Variants in SEMA4C observed in about 807,000 individuals in gnomAD.
SEMA4C encodes semaphorin 4C, also known as semaphorin-4C.
In SEMA4C, 19 loss-of-function variants were observed where a neutral mutation model predicts 89.0. The observed-to-expected ratio is 0.21, with a 90% CI of 0.15 to 0.31. The LOEUF is 0.31. Ranked by LOEUF, SEMA4C falls within the 10% of genes least tolerant of loss-of-function variation. The probability of loss-of-function intolerance (pLI) is 1.00; values close to 1 mark genes in which losing one functional copy is unlikely to be tolerated. For synonymous variants in SEMA4C, 428 were observed against 472.7 expected (o/e 0.91, Z 1.23); for missense variants, 811 against 1,107.0 (o/e 0.73, Z 3.79).
Position 96,859,860 on chromosome 2 carries a change from T to C in SEMA4C, c.*766A>G, listed in dbSNP as rs897110983. Reference sequence around the variant, plus strand: ...CTCCTCCTAGGGCTGGAAGAGAGTATGCCATTGTCCACAGCAGGCCCACCC... The same window carrying C: ...CTCCTCCTAGGGCTGGAAGAGAGTACGCCATTGTCCACAGCAGGCCCACCC... On this transcript the variant is annotated 3_prime_UTR_variant, in exon 15 of 15. Coordinates refer to ENST00000305476, the MANE Select transcript of SEMA4C (RefSeq NM_017789.5). The C allele has an allele frequency of 4.6e-5, 7 of 152,246 alleles. No individual in the cohort carries two copies. Among genetic ancestry groups the C allele is most frequent in the African/African-American group, 7.2e-5 (3 of 41,442 alleles). 9.4% of individuals were successfully genotyped at this position (152,246 alleles called of 1,614,324 possible). A position where few individuals can be genotyped will look rare whatever the true frequency, so the allele number is the denominator to read the frequency against.
At chr2:96,866,055 T>C (rs2080062971) in intron 3 of SEMA4C, 126 bp from the exon 4 acceptor site, 2 of 1,126,142 alleles carry the variant, frequency 1.8e-6, no homozygotes, top group Non-Finnish European at 2.6e-6. Context: ...CTCTGGGGAC[T>C]TCCTTTAGTA....
chr2:96,865,945 G>C lies in SEMA4C; in HGVS notation c.259-16C>G. 6.2e-7 allele frequency: 1 copy of C among 1,613,538 alleles called. No homozygotes were observed. The highest frequency in any genetic ancestry group is 1.7e-5 in the Admixed American group (1 of 59,996). ...CCCAGGAGATCTGGGGAAAGGGAAG[G>C]GGATGTCAGCCACGTTACAGGTACG... is the stretch of plus-strand genomic sequence containing the variant. On this transcript the variant is annotated splice_polypyrimidine_tract_variant and intron_variant, in intron 3 of 14. Transcript: ENST00000305476.
chr2:96,860,609 C>T lies in SEMA4C; in HGVS notation c.*17G>A, dbSNP rs371117613. On this transcript the variant is annotated 3_prime_UTR_variant, in exon 15 of 15. Coordinates refer to ENST00000305476, the MANE Select transcript of SEMA4C (RefSeq NM_017789.5). ...CTACACCTCCCACGCTTCCCGCCGA[C>T]GCGGTGGGGGTTCCCCTCATACTGA... 5.7e-6 allele frequency: 9 copies of T among 1,573,756 alleles called. No individual in the cohort carries two copies. In the South Asian group the frequency reaches 5.8e-5, roughly 10 times the overall value.
Position 96,860,739 on chromosome 2 carries a change from C to G in SEMA4C, c.2389G>C (p.Glu797Gln). ...NGYVRLQLGG[E>Q]DRGGLGHPLP... ...GGGTGCCCGAGCCCTCCCCGGTCCT[C>G]CCCTCCTAGTTGTAAGCGCACGTAA... Residue 797 changes from glutamate (E) to glutamine (Q), a missense_variant, in exon 15 of 15, where the codon GAG (glutamate) becomes CAG (glutamine). Glu to Gln is a conservative substitution (Grantham distance 29, BLOSUM62 2). Transcript: ENST00000305476. 1.2e-6 allele frequency: 2 copies of G among 1,613,876 alleles called. No homozygotes were observed. Among genetic ancestry groups the G allele is most frequent in the South Asian group, 2.2e-5 (2 of 91,086 alleles).
chr2:96,867,700 G>A, intron 2 of SEMA4C, 78 bp downstream of exon 2: 1 of 1,396,950 alleles, frequency 7.2e-7, no homozygotes, highest in South Asian at 1.2e-5. Context: ...ACACACGTGA[G>A]AATAAAGCCA....
Position 96,864,364 on chromosome 2 carries a change from C to G in SEMA4C, c.981G>C (p.Ser327=), listed in dbSNP as rs914866875. 1 of 1,613,730 alleles carries G rather than the reference C, an allele frequency of 6.2e-7. No individual in the cohort carries two copies. Among genetic ancestry groups the G allele is most frequent in the Admixed American group, 1.7e-5 (1 of 60,012 alleles). ...CTTCCAACTGGTACTCACAGATGGC[C>G]GACAGGTACATGTCACCCCTGTCAC... ...FQAQWGDMYL[S]AICEYQLEEI... The change falls in exon 10 of 15, where the codon TCG becomes TCC. Residue 327 remains serine, a synonymous_variant. Transcript: ENST00000305476. This position sits in a 1 kb window ranked among gnomAD's most constrained non-coding sequence, Gnocchi z 6.3.
intron 1 of SEMA4C, chr2:96,868,444 C>G (rs1185149333): frequency 2.0e-5 from 20 of 999,194 alleles, no homozygotes; most frequent in Non-Finnish European, 2.4e-5. Flanking sequence ...AGCGGAGGTC[C>G]CGGTCCCGGC....
upstream of SEMA4C, chr2:96,870,115 A>T (rs943471206): frequency 8.3e-6 from 8 of 967,430 alleles, no homozygotes; most frequent in African/African-American, 1.2e-4. Context: ...CTTCCCCTTG[A>T]CGTCAGGCTG....
chr2:96,869,753 G>A (rs1317731528), intron 1 of SEMA4C, 123 bp downstream of exon 1: 4 of 985,260 alleles, frequency 4.1e-6, no homozygotes, highest in African/African-American at 3.5e-5. Context: ...CTCCGCCGCC[G>A]CGGCTCCCCG....
rs1234404121 is a variant in SEMA4C, at chr2:96,863,745, C to T, written c.1380G>A (p.Leu460=). The change falls in exon 12 of 15, where the codon CTG becomes CTA. Residue 460 remains leucine, a synonymous_variant. Transcript: ENST00000305476. ...GGTCAAACAGCTGCAGCTCCTCAAT[C>T]AGGTGAACCCAGGGCCCCAGGCTCA... ...KAVSLGPWVH[L]IEELQLFDQE... is the part of the protein sequence containing the mutation. 1 of 1,614,048 alleles carries T rather than the reference C, an allele frequency of 6.2e-7. No individual in the cohort carries two copies. The highest frequency in any genetic ancestry group is 1.3e-5 in the African/African-American group (1 of 75,060).
intron 1 of SEMA4C, chr2:96,869,578 G>A (rs1559038807): frequency 1.0e-6 from 1 of 985,290 alleles, no homozygotes; most frequent in Non-Finnish European, 1.2e-6. Flanking sequence ...GGGCAGTCCA[G>A]GAGCCTGGCG....
Position 96,861,054 on chromosome 2 carries a change from C to G in SEMA4C, c.2074G>C (p.Glu692Gln). 1 of 1,612,828 alleles carries G rather than the reference C, an allele frequency of 6.2e-7. No individual in the cohort carries two copies. Among genetic ancestry groups the G allele is most frequent in the Non-Finnish European group, 8.5e-7 (1 of 1,179,976 alleles). Residue 692 changes from glutamate (E) to glutamine (Q), a missense_variant, in exon 15 of 15, where the codon GAA (glutamate) becomes CAA (glutamine). Physicochemically the swap from Glu to Gln is conservative, Grantham distance 29. Transcript: ENST00000305476. This position sits in a 1 kb window ranked among gnomAD's most constrained non-coding sequence, Gnocchi z 7.8. ...GCCTTGGCCCCTTTCTCCAGCTCTTCCCGCAGCCGCCGGCGCAATGACAGC... is the reference window on the plus strand; with the variant it reads ...GCCTTGGCCCCTTTCTCCAGCTCTTGCCGCAGCCGCCGGCGCAATGACAGC... Reference protein sequence around the residue: ...LVLSLRRRLREELEKGAKATE... With the variant: ...LVLSLRRRLRQELEKGAKATE...
At chr2:96,870,705 A>G (rs190081845), upstream of SEMA4C, 695 of 985,512 alleles carry the variant, frequency 7.1e-4, 6 homozygotes, top group African/African-American at 0.012. Flanking sequence ...CTATCCCCAG[A>G]AAATGACTCC....
chr2:96,866,187 G>T, intron 3 of SEMA4C, 96 bp downstream of exon 3: 2 of 1,494,128 alleles, frequency 1.3e-6, no homozygotes, highest in South Asian at 2.6e-5. Flanking sequence ...CACTTCTGTG[G>T]GGGCAGCCAG....
Position 96,860,521 on chromosome 2 carries a change from CCAGA to C in SEMA4C, c.*101_*104del, listed in dbSNP as rs1457264552. 28 of 1,046,756 alleles carry C rather than the reference CCAGA, an allele frequency of 2.7e-5. No individual in the cohort carries two copies. In the East Asian group the frequency reaches 3.0e-4, roughly 11 times the overall value. The allele number at this position is 1,046,756 out of a possible 1,614,324, so 64.8% of individuals were successfully genotyped here. On this transcript the variant is annotated 3_prime_UTR_variant, in exon 15 of 15. Transcript: ENST00000305476. The stretch of plus-strand genomic sequence containing the variant: ...GGGTGGGTGCTGGGCAGTATCTGTC[CCAGA>C]CAGAGCAGGTGCCCGTGCCATGTCC...
At chr2:96,867,057 C>T (rs572637098) in intron 2 of SEMA4C, 2 of 200,836 alleles carry the variant, frequency 1.0e-5, no homozygotes, top group African/African-American at 4.7e-5. Context: ...CTTGCTGCCA[C>T]CCGGCATGCA....
chr2:96,869,128 G>A (rs983719459), intron 1 of SEMA4C: 1 of 985,364 alleles, frequency 1.0e-6, no homozygotes, highest in South Asian at 4.7e-5. Context: ...GCGGGAGAGC[G>A]GGGGCTGCGC....
At chr2:96,866,603 G>T in intron 2 of SEMA4C, 172 bp from the exon 3 acceptor site, 1 of 872,034 alleles carries the variant, frequency 1.1e-6, no homozygotes, top group East Asian at 2.6e-5. Flanking sequence ...CCCCACCTGG[G>T]CCTCCCTAGC....
intron 1 of SEMA4C, chr2:96,869,049 C>G (rs942352850): frequency 4.1e-6 from 4 of 985,116 alleles, no homozygotes; most frequent in Non-Finnish European, 4.8e-6. Flanking sequence ...TGAACGCAAA[C>G]AAAGCGGCGG....
Sources: gnomAD v4.1 joint callset for allele counts on GRCh38, gnomAD v4.1.1 for gene constraint, Gnocchi (gnomAD v3.1) non-coding constraint, MANE v1.5 for transcripts, NCBI Gene and HGNC (gene_info 2026-07-23, HGNC 2026-07-21) for gene names.